Variants in COL16A1 observed in about 807,000 individuals in gnomAD.
COL16A1 encodes the protein collagen type XVI alpha 1 chain.
COL16A1 carries 189 observed loss-of-function variants against 266.3 expected under a neutral mutation model. The ratio of observed to expected loss-of-function variants is 0.71; its 90% CI spans 0.63 to 0.80. COL16A1 has a LOEUF of 0.80. Ranked by LOEUF, COL16A1 falls within the 30% of genes least tolerant of loss-of-function variation. The pLI is 0.00. For missense variants in COL16A1, 1,928 were observed against 2,122.4 expected, an observed-to-expected ratio of 0.91 and a Z score of 1.80; for synonymous variants, 740 against 782.3, an observed-to-expected ratio of 0.95 and a Z score of 0.90.
chr1:31,654,748 A>G (rs750692807), intron 68 of COL16A1, 44 bp downstream of exon 68: 1 of 1,613,642 alleles, frequency 6.2e-7, no homozygotes, highest in South Asian at 1.1e-5. Context: ...AGTCACAAGG[A>G]AGGGCAGACA....
chr1:31,672,753 C>G lies in COL16A1; in HGVS notation c.2947G>C (p.Gly983Arg). The G allele has an allele frequency of 6.2e-7, 1 of 1,614,164 alleles. No individual in the cohort carries two copies. Among genetic ancestry groups the G allele is most frequent in the East Asian group, 2.2e-5 (1 of 44,878 alleles). The change falls in exon 45 of 71, where the codon GGT becomes CGT. Residue 983 changes from glycine to arginine, a missense_variant. This residue lies in a region of COL16A1 where 1,552 missense variants were observed against 1,637.2 expected (regional missense o/e 0.95). Transcript: ENST00000373672. ...KGEKGDQGIP[G>R]VPGLDNCAQC... ...GCGCAGTTGTCGAGGCCTGGCACAC[C>G]AGGGATGCCCTGGTCTCCCTTCTCT...
chr1:31,695,105 A>C, intron 11 of COL16A1, 81 bp downstream of exon 11: 1 of 1,471,760 alleles, frequency 6.8e-7, no homozygotes, highest in Non-Finnish European at 9.4e-7. Flanking sequence ...GTCCTCACCC[A>C]GGAGGCTGCC....
Position 31,697,368 on chromosome 1 carries a change from A to G in COL16A1, c.658-68T>C, listed in dbSNP as rs1405069901. The stretch of plus-strand genomic sequence containing the variant: ...TAGCTCTGTGTCCTGGCCCCCCAGG[A>G]GGCACAGAGATGTCTCTGCCCCAGG... On this transcript the variant is annotated intron_variant, in intron 6 of 70. Coordinates refer to ENST00000373672, the MANE Select transcript of COL16A1 (RefSeq NM_001856.4). This position sits in a 1 kb window ranked among gnomAD's most constrained non-coding sequence, Gnocchi z 4.2. 4 of 1,457,006 alleles carry G rather than the reference A, an allele frequency of 2.7e-6. No homozygotes were observed. Among genetic ancestry groups the G allele is most frequent in the Non-Finnish European group, 3.7e-6 (4 of 1,070,434 alleles). 90.3% of individuals were successfully genotyped at this position (1,457,006 alleles called of 1,614,324 possible). A position where few individuals can be genotyped will look rare whatever the true frequency, so the allele number is the denominator to read the frequency against.
At chr1:31,702,373 GC>G in intron 1 of COL16A1, 146 bp from the exon 2 acceptor site, 1 of 757,376 alleles carries the variant, frequency 1.3e-6, no homozygotes. Flanking sequence ...TCTCTCAGAG[GC>G]CCAACCACAG....
chr1:31,692,487 G>A lies in COL16A1; in HGVS notation c.1181C>T (p.Ser394Leu). ...GALGPSGLPG[S>L]TGEKGQKGEK... ...CAGGCTTGTTACCTTCTCGCCTGTT[G>A]AGCCTGGGAGTCCTGAGGGTCCCTG... The change falls in exon 16 of 71, where the codon TCA (serine) becomes TTA (leucine). Residue 394 changes from serine to leucine, a missense_variant. Ser to Leu is a moderately radical substitution (Grantham distance 145). Around this residue, in one of 2 missense-constraint regions of COL16A1, gnomAD observed 1,552 missense variants for 1,637.2 expected, o/e 0.95. Transcript: ENST00000373672. The A allele has an allele frequency of 6.2e-7, 1 of 1,613,570 alleles. No homozygotes were observed. The highest frequency in any genetic ancestry group is 8.5e-7 in the Non-Finnish European group (1 of 1,179,640).
chr1:31,662,838 G>A, intron 56 of COL16A1, 180 bp from the exon 57 acceptor site: 1 of 630,824 alleles, frequency 1.6e-6, no homozygotes, highest in African/African-American at 1.8e-5. Flanking sequence ...GCCTCCCCAG[G>A]AGGATCTGTC....
At position 31,698,710 on chromosome 1, in the gene COL16A1, C is replaced by A. The variant is rs1644604575; in HGVS notation, c.267-104G>T. On this transcript the variant is annotated intron_variant, in intron 4 of 70. Coordinates refer to ENST00000373672, the MANE Select transcript of COL16A1 (RefSeq NM_001856.4). The surrounding 1 kb of genome is among the most constrained non-coding windows in gnomAD (Gnocchi z 4.1). ...TGAGCCTACCCAAGACATCCACAGG[C>A]ACACATCTTCCATCATATACATTCA... is the stretch of plus-strand genomic sequence containing the variant. The A allele has an allele frequency of 6.6e-7, 1 of 1,517,804 alleles. No homozygotes were observed. Among genetic ancestry groups the A allele is most frequent in the African/African-American group, 1.4e-5 (1 of 72,684 alleles). The allele number at this position is 1,517,804 out of a possible 1,614,324, so 94.0% of individuals were successfully genotyped here. A position where few individuals can be genotyped will look rare whatever the true frequency, so the allele number is the denominator to read the frequency against.
intron 3 of COL16A1, 22 bp downstream of exon 3, chr1:31,700,019 G>A (rs377275591): frequency 2.9e-5 from 47 of 1,613,624 alleles, no homozygotes; most frequent in Middle Eastern, 3.3e-4. Flanking sequence ...GGGACGGCGC[G>A]ATGAGATGGT....
rs758836196 is a variant in COL16A1 at position 31,691,481 on chromosome 1, A to G, written c.1334T>C (p.Leu445Pro). ...GCCGGGGGGCCCAGGCTCTCCTGCC[A>G]GCCCCTCAGGCCCAACAAAGCCAGG... ...GDPGFVGPEG[L>P]AGEPGPPGLP... The change falls in exon 19 of 71, where the codon CTG becomes CCG. Residue 445 changes from leucine to proline, a missense_variant. Leu to Pro is a moderately conservative substitution (Grantham distance 98). This residue lies in a region of COL16A1 where 1,552 missense variants were observed against 1,637.2 expected (regional missense o/e 0.95). Coordinates refer to ENST00000373672, the MANE Select transcript of COL16A1 (RefSeq NM_001856.4). 5 of 1,613,374 alleles carry G rather than the reference A, an allele frequency of 3.1e-6. No individual in the cohort carries two copies. Among genetic ancestry groups the G allele is most frequent in the Non-Finnish European group, 4.2e-6 (5 of 1,179,640 alleles).
chr1:31,684,103 A>G lies in COL16A1; in HGVS notation c.2283+6T>C. ...GCAGGGAAGGGCCGGAGGGCAGGCA[A>G]CTCACGGGTTTACCAGGTCGGCCCA... On this transcript the variant is annotated splice_donor_region_variant and intron_variant, in intron 32 of 70. Transcript: ENST00000373672. The G allele has an allele frequency of 6.3e-7, 1 of 1,598,112 alleles. No individual in the cohort carries two copies. The highest frequency in any genetic ancestry group is 8.5e-7 in the Non-Finnish European group (1 of 1,171,492).
chr1:31,683,873 C>A, intron 33 of COL16A1, 77 bp downstream of exon 33: 1 of 1,608,764 alleles, frequency 6.2e-7, no homozygotes. Context: ...ACTCCAGGCC[C>A]ACTGCCCCCA....
Position 31,688,553 on chromosome 1 carries a change from C to G in COL16A1, c.1768-51G>C. 5 of 1,612,630 alleles carry G rather than the reference C, an allele frequency of 3.1e-6. No homozygotes were observed. Among genetic ancestry groups the G allele is most frequent in the Non-Finnish European group, 4.2e-6 (5 of 1,178,678 alleles). ...CAGCATCTCCCCACTCCCACCTCTCCAAGGCTCCCCGGGTCCCAGTGTCCA... is the reference window on the plus strand; with the variant it reads ...CAGCATCTCCCCACTCCCACCTCTCGAAGGCTCCCCGGGTCCCAGTGTCCA... On this transcript the variant is annotated intron_variant, in intron 25 of 70. Coordinates refer to ENST00000373672, the MANE Select transcript of COL16A1 (RefSeq NM_001856.4). The surrounding 1 kb of genome is among the most constrained non-coding windows in gnomAD (Gnocchi z 4.9).
intron 42 of COL16A1, among the ~76,000 whole-genome samples, chr1:31,677,062 C>T (rs554598738): frequency 6.6e-6 from 1 of 150,764 alleles, no homozygotes; most frequent in Non-Finnish European, 1.5e-5. Flanking sequence ...ATGCCTTGAA[C>T]ATGTCAATTA....
chr1:31,679,771 G>A (rs1315756839), intron 41 of COL16A1, 33 bp downstream of exon 41: 2 of 1,587,242 alleles, frequency 1.3e-6, no homozygotes, highest in Non-Finnish European at 1.7e-6. Flanking sequence ...AAGCCGCGGG[G>A]CGCTGGCGGA....
At position 31,694,139 on chromosome 1, in the gene COL16A1, C is replaced by T; in HGVS notation, c.1008+5G>A. ...GGGAATGTCCCGTTCTCCATTAGGA[C>T]TCACCTTGGGGCCAGAGGGAGCAAG... On this transcript the variant is annotated splice_donor_5th_base_variant and intron_variant, in intron 12 of 70. Transcript: ENST00000373672. The T allele has an allele frequency of 6.2e-7, 1 of 1,600,552 alleles. No homozygotes were observed. Among genetic ancestry groups the T allele is most frequent in the Non-Finnish European group, 8.5e-7 (1 of 1,171,228 alleles).
intron 13 of COL16A1, 129 bp from the exon 14 acceptor site, chr1:31,692,937 A>T (rs1557686706): frequency 9.9e-7 from 1 of 1,012,742 alleles, no homozygotes; most frequent in Non-Finnish European, 1.5e-6. Context: ...TTCTACACCC[A>T]AACCCCTAGA....
chr1:31,695,109 G>A, intron 11 of COL16A1, 77 bp downstream of exon 11: 1 of 1,486,328 alleles, frequency 6.7e-7, no homozygotes, highest in African/African-American at 1.4e-5. Flanking sequence ...TCACCCAGGA[G>A]GCTGCCAAGC....
rs993095873 is a variant in COL16A1 at position 31,668,057 on chromosome 1, C to T, written c.3303+108G>A. ...AGGCAAAGGAGGAGGCTGAAATGCC[C>T]GGTAATGGGGAGCCCGCCGAGGGTT... On this transcript the variant is annotated intron_variant, in intron 51 of 70. Coordinates refer to ENST00000373672, the MANE Select transcript of COL16A1 (RefSeq NM_001856.4). The surrounding 1 kb of genome is among the most constrained non-coding windows in gnomAD (Gnocchi z 5.8). 65 of 943,676 alleles carry T rather than the reference C, an allele frequency of 6.9e-5. No homozygotes were observed. The highest frequency in any genetic ancestry group is 8.9e-5 in the Non-Finnish European group (55 of 615,166). The allele number at this position is 943,676 out of a possible 1,614,324, so 58.5% of individuals were successfully genotyped here.
chr1:31,695,322 G>A, intron 10 of COL16A1, 101 bp from the exon 11 acceptor site: 2 of 1,135,098 alleles, frequency 1.8e-6, no homozygotes, highest in South Asian at 2.6e-5. Context: ...CACATATCTT[G>A]AGTGGAATCT....
Sources: allele counts gnomAD v4.1 joint callset (sites outside exome capture counted in the v4.1 genomes callset), GRCh38; gene constraint gnomAD v4.1.1; regional missense constraint gnomAD v4.1.1; non-coding constraint Gnocchi (gnomAD v3.1); transcripts MANE v1.5; gene names NCBI Gene and HGNC (gene_info 2026-07-23, HGNC 2026-07-21).